Variants in KLHL13 observed in about 807,000 individuals in gnomAD.
KLHL13 encodes kelch like family member 13.
A neutral mutation model predicts 37.1 loss-of-function variants in KLHL13; 10 were observed. The ratio of observed to expected loss-of-function variants is 0.27; its 90% CI spans 0.17 to 0.46. KLHL13 has a LOEUF of 0.46. Ranked by LOEUF, KLHL13 falls within the 20% of genes least tolerant of loss-of-function variation. KLHL13 has a pLI of 1.00. For missense variants in KLHL13, 360 were observed against 509.3 expected, an observed-to-expected ratio of 0.71 and a Z score of 2.82; for synonymous variants, 163 against 181.2, an observed-to-expected ratio of 0.90 and a Z score of 0.81.
At chrX:117,913,949 C>A (rs774019359) in intron 4 of KLHL13, among the ~76,000 whole-genome samples, 1 of 110,524 alleles carries the variant, frequency 9.0e-6, no homozygotes, top group Admixed American at 9.6e-5. Context: ...ATTTACATTT[C>A]TTTGATATAA....
intron 2 of KLHL13, among the ~76,000 whole-genome samples, chrX:117,941,067 A>G (rs1329153336): frequency 8.9e-6 from 1 of 111,764 alleles, no homozygotes; most frequent in African/African-American, 3.3e-5. Flanking sequence ...TCGGTATAAT[A>G]TTGGCTGTGG....
intron 1 of KLHL13, among the ~76,000 whole-genome samples, chrX:117,998,525 T>C (rs987682425): frequency 2.7e-5 from 3 of 111,156 alleles, no homozygotes; most frequent in Non-Finnish European, 5.7e-5. Context: ...CAGGAGCAAC[T>C]ACCCCTAGGG....
chrX:118,079,318 A>C lies in KLHL13; in HGVS notation c.-56+37190T>G, dbSNP rs754824820. ...GCAATCATGAAACAGAATGAAAAAA[A>C]GGTAACCAAATAGGAAAAAAAGAAG... On this transcript the variant is annotated intron_variant, in intron 1 of 6. Transcript: ENST00000371882. Among the ~76,000 whole-genome samples the C allele has an allele frequency of 7.2e-5, 8 of 111,007 alleles. 1 individual carries two copies. The South Asian group carries it at 3.0e-3, about 42-fold the overall frequency.
chrX:117,911,758 C>A (rs957252806), intron 4 of KLHL13, among the ~76,000 whole-genome samples: 1 of 111,890 alleles, frequency 8.9e-6, no homozygotes, highest in Admixed American at 9.5e-5. Context: ...CATAGTATTC[C>A]ATGGTGTACA....
At chrX:118,041,991 A>C (rs1157853570) in intron 1 of KLHL13, among the ~76,000 whole-genome samples, 1 of 111,988 alleles carries the variant, frequency 8.9e-6, no homozygotes, top group Non-Finnish European at 1.9e-5. Flanking sequence ...AGAAATACTT[A>C]GTTCAAAAAT....
At chrX:118,036,831 C>G (rs1223326119) in intron 1 of KLHL13, among the ~76,000 whole-genome samples, 1 of 109,709 alleles carries the variant, frequency 9.1e-6, no homozygotes, top group Non-Finnish European at 1.9e-5. Flanking sequence ...AGAAAATTTT[C>G]ACAACCTACT....
At chrX:117,912,041 G>C (rs977166409) in intron 4 of KLHL13, among the ~76,000 whole-genome samples, 1 of 111,651 alleles carries the variant, frequency 9.0e-6, no homozygotes, top group African/African-American at 3.3e-5. Context: ...AATCCAATTT[G>C]AGGAGCTGCA....
chrX:117,930,298 C>A (rs867232145), intron 2 of KLHL13, among the ~76,000 whole-genome samples: 83 of 71,794 alleles, frequency 1.2e-3, no homozygotes, highest in African/African-American at 2.4e-3. Context: ...GGAAGGCAGG[C>A]AGGCAGGCAG....
chrX:117,910,065 C>T (rs1162852753), exon 5 of KLHL13: 7 of 1,180,487 alleles, frequency 5.9e-6, no homozygotes, highest in Admixed American at 2.4e-5. Flanking sequence ...GTTGGCAATC[C>T]GTCCAACTTC....
At chrX:118,109,487 T>C (rs974283443) in intron 1 of KLHL13, among the ~76,000 whole-genome samples, 2 of 112,434 alleles carry the variant, frequency 1.8e-5, no homozygotes, top group Admixed American at 1.9e-4. Flanking sequence ...AGATTTTCTA[T>C]GAATATTGCG....
intron 1 of KLHL13, among the ~76,000 whole-genome samples, chrX:118,032,830 T>C (rs988955881): frequency 1.8e-5 from 2 of 110,761 alleles, no homozygotes; most frequent in African/African-American, 6.6e-5. Context: ...GGCAAGGAAG[T>C]TGAAAACTTT....
intron 1 of KLHL13, among the ~76,000 whole-genome samples, chrX:118,093,823 A>G (rs1350638163): frequency 9.0e-6 from 1 of 110,508 alleles, no homozygotes; most frequent in African/African-American, 3.3e-5. Flanking sequence ...ATGATGGGCT[A>G]AAGTTTAGCA....
chrX:117,913,541 T>C (rs918651712), intron 4 of KLHL13, among the ~76,000 whole-genome samples: 1 of 112,407 alleles, frequency 8.9e-6, no homozygotes, highest in African/African-American at 3.2e-5. Flanking sequence ...AATAACTACA[T>C]TGGCATTTAA....
intron 1 of KLHL13, among the ~76,000 whole-genome samples, chrX:117,966,353 G>C (rs1049618857): frequency 2.7e-5 from 3 of 110,515 alleles, no homozygotes; most frequent in Non-Finnish European, 5.7e-5. Context: ...AACTTACAAG[G>C]GATGTGAAGG....
chrX:117,936,182 G>C (rs1251614514), intron 2 of KLHL13, among the ~76,000 whole-genome samples: 2 of 111,357 alleles, frequency 1.8e-5, no homozygotes, highest in Non-Finnish European at 3.8e-5. Flanking sequence ...CAAGGAGTGA[G>C]GGAAATGAAA....
intron 1 of KLHL13, among the ~76,000 whole-genome samples, chrX:118,050,424 A>C (rs191976191): frequency 2.1e-3 from 232 of 112,091 alleles, no homozygotes; most frequent in African/African-American, 7.1e-3. Flanking sequence ...AACATTCATT[A>C]AGTATCAAAT....
At chrX:118,052,600 G>A (rs780115275) in intron 1 of KLHL13, among the ~76,000 whole-genome samples, 3 of 108,545 alleles carry the variant, frequency 2.8e-5, no homozygotes, top group African/African-American at 6.7e-5. Flanking sequence ...GGCCGAGGTG[G>A]GCAGATCATG....
At chrX:117,985,140 A>AT (rs1463366000) in intron 1 of KLHL13, 6 of 554,233 alleles carry the variant, frequency 1.1e-5, no homozygotes, top group Non-Finnish European at 1.6e-5. Context: ...TCTAAAATTG[A>AT]TTTTTGTATA....
At chrX:117,920,449 T>C in intron 2 of KLHL13, 79 bp from the exon 4 acceptor site, 2 of 1,011,437 alleles carry the variant, frequency 2.0e-6, no homozygotes, top group Non-Finnish European at 2.7e-6. Context: ...ATTGTTTGAA[T>C]ATTAATGTGG....
Sources: allele counts gnomAD v4.1 joint callset (sites outside exome capture counted in the v4.1 genomes callset), GRCh38; gene constraint gnomAD v4.1.1; transcripts MANE v1.5; gene names NCBI Gene and HGNC (gene_info 2026-07-23, HGNC 2026-07-21).